Variants in RNF212B observed in about 807,000 individuals in gnomAD.
RNF212B encodes ring finger protein 212B, also known as E3 ubiquitin-protein ligase RNF212B.
Under a neutral mutation model 55.5 loss-of-function variants are expected in RNF212B, and 52 were observed. The ratio of observed to expected loss-of-function variants is 0.94; its 90% CI spans 0.75 to 1.18. The LOEUF (loss-of-function observed/expected upper bound fraction) is 1.18. Among genes scored for constraint, RNF212B ranks in the 50% most tolerant of loss-of-function variants. The pLI is 0.00. For missense variants in RNF212B, 289 were observed against 350.4 expected (o/e 0.82, Z 1.40); for synonymous variants, 99 against 121.4 (o/e 0.82, Z 1.21).
intron 4 of RNF212B, among the ~76,000 whole-genome samples, chr14:23,258,145 C>G (rs1485306128): frequency 1.3e-5 from 2 of 151,994 alleles, no homozygotes; most frequent in Non-Finnish European, 2.9e-5. Context: ...TCAAGACTAG[C>G]CTGACCAACA....
upstream of RNF212B, among the ~76,000 whole-genome samples, chr14:23,236,241 C>A (rs573503327): frequency 6.6e-6 from 1 of 152,044 alleles, no homozygotes; most frequent in South Asian, 2.1e-4. Context: ...TTTGGCCAGG[C>A]GCGGTGGCTC....
intron 2 of RNF212B, among the ~76,000 whole-genome samples, chr14:23,207,855 A>G (rs921574224): frequency 1.3e-5 from 2 of 152,224 alleles, no homozygotes; most frequent in African/African-American, 4.8e-5. Flanking sequence ...ATCAATCAAT[A>G]TATGTAAGAA....
Position 23,264,687 on chromosome 14 carries a change from A to C in RNF212B, c.634+16A>C, listed in dbSNP as rs558236363. The stretch of plus-strand genomic sequence containing the variant: ...TCTTATAATGGTGAGGTGGGGGGAA[A>C]AGGGTGTCAGAAATCAACTTACTCT... On this transcript the variant is annotated intron_variant, in intron 11 of 14. Coordinates refer to ENST00000430154, the MANE Select transcript of RNF212B (RefSeq NM_001282322.3). The C allele has an allele frequency of 7.8e-7, 1 of 1,279,034 alleles. No homozygotes were observed. The highest frequency in any genetic ancestry group is 1.5e-5 in the African/African-American group (1 of 65,450). The allele number at this position is 1,279,034 out of a possible 1,614,324, so 79.2% of individuals were successfully genotyped here. A position where few individuals can be genotyped will look rare whatever the true frequency, so the allele number is the denominator to read the frequency against.
At chr14:23,262,018 C>A (rs1179505639) in intron 7 of RNF212B, among the ~76,000 whole-genome samples, 1 of 152,012 alleles carries the variant, frequency 6.6e-6, no homozygotes, top group Non-Finnish European at 1.5e-5. Flanking sequence ...TATATATACA[C>A]ACACACACAT....
At chr14:23,226,216 T>G (rs1430801275) in intron 2 of RNF212B, among the ~76,000 whole-genome samples, 2 of 147,786 alleles carry the variant, frequency 1.4e-5, no homozygotes, top group African/African-American at 5.0e-5. Context: ...GAGAATCGCT[T>G]GAACCCAGGA....
Position 23,252,096 on chromosome 14 carries a change from G to A in RNF212B, c.229-6453G>A, listed in dbSNP as rs113591281. On this transcript the variant is annotated intron_variant, in intron 4 of 14. Coordinates refer to ENST00000430154, the MANE Select transcript of RNF212B (RefSeq NM_001282322.3). ...CCTCTCTGATTGTCAGGGGTTGGGGGGCGTGGGAAGAAAGGTTGGGACCCC... is the reference window on the plus strand; with the variant it reads ...CCTCTCTGATTGTCAGGGGTTGGGGAGCGTGGGAAGAAAGGTTGGGACCCC... Among the ~76,000 whole-genome samples, 5 of 152,126 alleles carry A rather than the reference G, an allele frequency of 3.3e-5. No homozygotes were observed. In the East Asian group the frequency reaches 7.7e-4, roughly 24 times the overall value.
In RNF212B at chr14:23,269,966, T is replaced by C; in HGVS notation, c.772+6T>C. Reference sequence around the variant, plus strand: ...CCTCACCCCCAACAATTTTGGTAAGTTAAATAACATTTCCAAAGGAATGGA... The same window carrying C: ...CCTCACCCCCAACAATTTTGGTAAGCTAAATAACATTTCCAAAGGAATGGA... On this transcript the variant is annotated splice_donor_region_variant and intron_variant, in intron 13 of 14. Coordinates refer to ENST00000430154, the MANE Select transcript of RNF212B (RefSeq NM_001282322.3). 1 of 1,426,104 alleles carries C rather than the reference T, an allele frequency of 7.0e-7. No homozygotes were observed. The highest frequency in any genetic ancestry group is 9.7e-7 in the Non-Finnish European group (1 of 1,033,852). 88.3% of individuals were successfully genotyped at this position (1,426,104 alleles called of 1,614,324 possible).
intron 2 of RNF212B, among the ~76,000 whole-genome samples, chr14:23,217,314 T>C (rs576294279): frequency 6.6e-6 from 1 of 152,020 alleles, no homozygotes; most frequent in Admixed American, 6.6e-5. Context: ...AACTTTATAT[T>C]GTGGTGTGAG....
intron 2 of RNF212B, among the ~76,000 whole-genome samples, chr14:23,209,808 C>A (rs1211383426): frequency 1.3e-5 from 2 of 152,116 alleles, no homozygotes; most frequent in African/African-American, 4.8e-5. Flanking sequence ...ATATCATGTA[C>A]CCCTGATACA....
At chr14:23,192,213 G>A (rs1878180223) in intron 1 of RNF212B, among the ~76,000 whole-genome samples, 2 of 152,238 alleles carry the variant, frequency 1.3e-5, no homozygotes, top group African/African-American at 2.4e-5. Context: ...TATAAATCAT[G>A]CTGCTATAAA....
rs1175371872 is a variant in RNF212B, at chr14:23,244,433, A to G, written c.228+37A>G. 1.6e-5 allele frequency: 19 copies of G among 1,170,900 alleles called. No individual in the cohort carries two copies. The African/African-American group carries it at 2.6e-4, about 16-fold the overall frequency. The allele number at this position is 1,170,900 out of a possible 1,614,324, so 72.5% of individuals were successfully genotyped here. A position where few individuals can be genotyped will look rare whatever the true frequency, so the allele number is the denominator to read the frequency against. On this transcript the variant is annotated intron_variant, in intron 4 of 14. Transcript: ENST00000430154. ...AAAAGTGAAGAAAATCTGACTCTCC[A>G]GGCAAATTCTAATTGCATCTTATTC...
intron 13 of RNF212B, among the ~76,000 whole-genome samples, chr14:23,270,177 G>A (rs557977747): frequency 6.6e-6 from 1 of 152,260 alleles, no homozygotes; most frequent in South Asian, 2.1e-4. Context: ...CACCAGTCGA[G>A]TCCTACTATT....
At chr14:23,270,297 C>T (rs1490316111) in intron 13 of RNF212B, among the ~76,000 whole-genome samples, 2 of 152,166 alleles carry the variant, frequency 1.3e-5, no homozygotes, top group Non-Finnish European at 2.9e-5. Context: ...ATTCTTCTCC[C>T]CATCTTTTTC....
chr14:23,264,101 C>CA (rs1163664427), intron 9 of RNF212B, 73 bp from the exon 10 acceptor site: 68 of 1,312,864 alleles, frequency 5.2e-5, no homozygotes, highest in Non-Finnish European at 7.0e-5. Flanking sequence ...AAAACCAAAA[C>CA]AAAAAAACAA....
At chr14:23,229,735 T>G (rs984208104) in intron 2 of RNF212B, among the ~76,000 whole-genome samples, 7 of 152,230 alleles carry the variant, frequency 4.6e-5, no homozygotes, top group African/African-American at 1.7e-4. Flanking sequence ...TTGGGTTGTT[T>G]GACTTTTTTG....
intron 2 of RNF212B, among the ~76,000 whole-genome samples, chr14:23,242,081 C>CAAAAAAAAAAAAAAA (rs58497672): frequency 8.2e-5 from 3 of 36,650 alleles, no homozygotes; most frequent in South Asian, 1.2e-3. Context: ...GACTCCGTCT[C>CAAAAAAAAAAAAAAA]AAAAAAAAAA....
chr14:23,220,508 G>T (rs1378416516), intron 2 of RNF212B, among the ~76,000 whole-genome samples: 1 of 151,858 alleles, frequency 6.6e-6, no homozygotes, highest in African/African-American at 2.4e-5. Context: ...CTCCAGCCTG[G>T]GCAACATAGC....
At chr14:23,191,289 G>A (rs1044251005) in intron 1 of RNF212B, among the ~76,000 whole-genome samples, 1 of 150,814 alleles carries the variant, frequency 6.6e-6, no homozygotes, top group Admixed American at 6.6e-5. Flanking sequence ...CCCTGGAGGC[G>A]GAGGTTGTAG....
chr14:23,248,545 A>G (rs1884172170), intron 4 of RNF212B, among the ~76,000 whole-genome samples: 1 of 146,716 alleles, frequency 6.8e-6, no homozygotes, highest in African/African-American at 2.5e-5. Context: ...GGGTTCAAGC[A>G]ATTATCCTGC....
Sources: gnomAD v4.1 joint callset for allele counts (sites outside exome capture counted in the v4.1 genomes callset) on GRCh38, gnomAD v4.1.1 for gene constraint, MANE v1.5 for transcripts, NCBI Gene and HGNC (gene_info 2026-07-23, HGNC 2026-07-21) for gene names.